The following SQOR variants were observed in gnomAD, a reference collection of about 807,000 sequenced individuals.
SQOR encodes the protein sulfide quinone oxidoreductase, also known as sulfide:quinone oxidoreductase, mitochondrial.
In SQOR, 39 loss-of-function variants were observed where a neutral mutation model predicts 48.6. The observed-to-expected ratio is 0.80, with a 90% CI of 0.62 to 1.05. The LOEUF is 1.05. Among genes scored for constraint, SQOR ranks in the 50% least tolerant of loss-of-function variants. The probability of loss-of-function intolerance (pLI) is 0.00; values close to 1 mark genes in which losing one functional copy is unlikely to be tolerated. For synonymous variants in SQOR, 220 were observed against 206.2 expected, an observed-to-expected ratio of 1.07 and a Z score of -0.57; for missense variants, 561 against 559.9, an observed-to-expected ratio of 1.00 and a Z score of -0.02.
chr15:45,660,952 C>T (rs530316142), intron 2 of SQOR, among the ~76,000 whole-genome samples: 1 of 152,164 alleles, frequency 6.6e-6, no homozygotes, highest in African/African-American at 2.4e-5. Flanking sequence ...TGCCCTTTGC[C>T]CCTATGTCCA....
chr15:45,640,498 G>A lies in SQOR; in HGVS notation c.-18+5390G>A, dbSNP rs190346854. Reference sequence around the variant, plus strand: ...TCATCTAGCTGGACACAGAAGAGACGTGAGCTGTCTACACCTCATTCTGTC... The same window carrying A: ...TCATCTAGCTGGACACAGAAGAGACATGAGCTGTCTACACCTCATTCTGTC... On this transcript the variant is annotated intron_variant, in intron 1 of 9. Coordinates refer to ENST00000260324, the MANE Select transcript of SQOR (RefSeq NM_021199.4). Among the ~76,000 whole-genome samples the A allele has an allele frequency of 8.9e-4, 135 of 152,300 alleles. 2 individuals are homozygous for A. The highest frequency in any genetic ancestry group is 2.9e-3 in the African/African-American group (119 of 41,562).
At chr15:45,659,498 G>C (rs985440591) in intron 2 of SQOR, among the ~76,000 whole-genome samples, 2 of 152,136 alleles carry the variant, frequency 1.3e-5, no homozygotes, top group Non-Finnish European at 2.9e-5. Flanking sequence ...CAAGCTATGG[G>C]CAAGGCCATG....
intron 7 of SQOR, among the ~76,000 whole-genome samples, chr15:45,686,283 C>T (rs1380974807): frequency 6.6e-6 from 1 of 152,044 alleles, no homozygotes; most frequent in Non-Finnish European, 1.5e-5. Flanking sequence ...TCCTGAGTAG[C>T]TAGGATTATA....
intron 4 of SQOR, among the ~76,000 whole-genome samples, chr15:45,672,807 C>A (rs1764134116): frequency 6.6e-6 from 1 of 152,212 alleles, no homozygotes; most frequent in Admixed American, 6.5e-5. Flanking sequence ...ACATGCATGG[C>A]CTCATTTGCT....
In SQOR at chr15:45,639,028, C is replaced by T. The variant is rs1895061216; in HGVS notation, c.-18+3920C>T. The stretch of plus-strand genomic sequence containing the variant: ...TCTATAGTGTTTTGTTATGGCAGCC[C>T]TAGAAAATTAATACAACTGGTTCTA... On this transcript the variant is annotated intron_variant, in intron 1 of 9. Coordinates refer to ENST00000260324, the MANE Select transcript of SQOR (RefSeq NM_021199.4). Among the ~76,000 whole-genome samples the T allele has an allele frequency of 2.6e-5, 4 of 152,052 alleles. No homozygotes were observed. The South Asian group carries it at 8.3e-4, about 32-fold the overall frequency.
chr15:45,658,612 A>G (rs1566917802), intron 1 of SQOR, among the ~76,000 whole-genome samples: 1 of 152,220 alleles, frequency 6.6e-6, no homozygotes, highest in Non-Finnish European at 1.5e-5. Context: ...GGATGGGTAC[A>G]GACAGGTTAT....
At position 45,690,961 on chromosome 15, in the gene SQOR, T is replaced by C; in HGVS notation, c.1296-12T>C. 1 of 1,614,022 alleles carries C rather than the reference T, an allele frequency of 6.2e-7. No individual in the cohort carries two copies. Among genetic ancestry groups the C allele is most frequent in the Non-Finnish European group, 8.5e-7 (1 of 1,179,874 alleles). On this transcript the variant is annotated splice_polypyrimidine_tract_variant and intron_variant, in intron 9 of 9. Transcript: ENST00000260324. The stretch of plus-strand genomic sequence containing the variant: ...TTGCTGCAGGTACATTTTTTTGTGT[T>C]ATTTCTTACAGGGGTTACTGGGGAG...
intron 3 of SQOR, among the ~76,000 whole-genome samples, chr15:45,667,941 C>CTTTTTTTT (rs1204451548): frequency 8.7e-4 from 90 of 103,264 alleles, no homozygotes; most frequent in Non-Finnish European, 1.1e-3. Context: ...TTCTTTCTTT[C>CTTTTTTTT]TTTTTTTTTT....
chr15:45,673,490 T>G, intron 4 of SQOR, 117 bp from the exon 5 acceptor site: 1 of 1,108,406 alleles, frequency 9.0e-7, no homozygotes, highest in Non-Finnish European at 1.3e-6. Flanking sequence ...GGCATGTGGG[T>G]ATTGGAGGGT....
chr15:45,664,656 C>T (rs1889782647), intron 3 of SQOR, among the ~76,000 whole-genome samples: 1 of 152,144 alleles, frequency 6.6e-6, no homozygotes, highest in African/African-American at 2.4e-5. Flanking sequence ...TTTTTCGTGA[C>T]AGTTACCACG....
chr15:45,658,395 G>A (rs1889653811), intron 1 of SQOR, among the ~76,000 whole-genome samples: 1 of 152,228 alleles, frequency 6.6e-6, no homozygotes, highest in Non-Finnish European at 1.5e-5. Context: ...GTTGCAGAAG[G>A]TGGGTTTCTT....
chr15:45,673,820 G>T lies in SQOR; in HGVS notation c.654+19G>T, dbSNP rs1889987530. On this transcript the variant is annotated intron_variant, in intron 5 of 9. Coordinates refer to ENST00000260324, the MANE Select transcript of SQOR (RefSeq NM_021199.4). The stretch of plus-strand genomic sequence containing the variant: ...CAGGAAGGTATGCTTCCTTTCTGGG[G>T]ACAGAGATGAGCAGGGCGGACAGTG... 1.2e-6 allele frequency: 2 copies of T among 1,612,668 alleles called. No individual in the cohort carries two copies. Among genetic ancestry groups the T allele is most frequent in the Non-Finnish European group, 8.5e-7 (1 of 1,179,036 alleles).
rs372708369 is a variant in SQOR at position 45,682,429 on chromosome 15, T to C, written c.865-49T>C. On this transcript the variant is annotated intron_variant, in intron 6 of 9. Coordinates refer to ENST00000260324, the MANE Select transcript of SQOR (RefSeq NM_021199.4). ...AAGGTAGGGGGAGAGCTTGTGGAGC[T>C]GTAGAAATATTGAATAAATGAAAAT... 11 of 1,598,634 alleles carry C rather than the reference T, an allele frequency of 6.9e-6. No individual in the cohort carries two copies. The African/African-American group carries it at 1.5e-4, about 21-fold the overall frequency.
At chr15:45,680,491 A>G (rs1310671922) in intron 6 of SQOR, among the ~76,000 whole-genome samples, 1 of 151,978 alleles carries the variant, frequency 6.6e-6, no homozygotes, top group African/African-American at 2.4e-5. Flanking sequence ...GGCTCACTGC[A>G]ACCCCCACCT....
chr15:45,676,262 G>A lies in SQOR; in HGVS notation c.816G>A (p.Glu272=). Residue 272 remains glutamate (E), a synonymous_variant, in exon 6 of 10, where the codon GAG becomes GAA. Coordinates refer to ENST00000260324, the MANE Select transcript of SQOR (RefSeq NM_021199.4). ...TTGAAGTCCGAGCCGATAAACAAGA[G>A]GCTGTATTTGAGAACCTGGACAAAC... The part of the protein sequence containing the change: ...NLIEVRADKQ[E]AVFENLDKPG... The A allele has an allele frequency of 6.2e-7, 1 of 1,614,114 alleles. No individual in the cohort carries two copies. Among genetic ancestry groups the A allele is most frequent in the South Asian group, 1.1e-5 (1 of 91,082 alleles).
intron 3 of SQOR, among the ~76,000 whole-genome samples, chr15:45,669,709 C>G (rs1478548120): frequency 6.6e-6 from 1 of 152,160 alleles, no homozygotes; most frequent in Admixed American, 6.5e-5. Flanking sequence ...CCCTGCCAGT[C>G]TGCCCACCTC....
chr15:45,650,684 C>T (rs140310960), intron 1 of SQOR, among the ~76,000 whole-genome samples: 1 of 152,248 alleles, frequency 6.6e-6, no homozygotes, highest in East Asian at 1.9e-4. Context: ...TTATAGAGAG[C>T]TGATTGGTCC....
chr15:45,642,894 A>G (rs918702480), intron 1 of SQOR, among the ~76,000 whole-genome samples: 1 of 152,028 alleles, frequency 6.6e-6, no homozygotes, highest in African/African-American at 2.4e-5. Flanking sequence ...GCTAACACCT[A>G]ATTCAGGAGC....
At chr15:45,645,386 T>C (rs80244984) in intron 1 of SQOR, among the ~76,000 whole-genome samples, 1 of 152,190 alleles carries the variant, frequency 6.6e-6, no homozygotes, top group African/African-American at 2.4e-5. Context: ...GACTGGACTA[T>C]GGGGTGCCTA....
Sources: gnomAD v4.1 joint callset for allele counts (sites outside exome capture counted in the v4.1 genomes callset) on GRCh38, gnomAD v4.1.1 for gene constraint, MANE v1.5 for transcripts, NCBI Gene and HGNC (gene_info 2026-07-23, HGNC 2026-07-21) for gene names.